The following DGKI variants were observed in gnomAD, a reference collection of about 807,000 sequenced individuals.
The protein encoded by DGKI is diacylglycerol kinase iota, also known as DAG kinase iota.
A neutral mutation model predicts 147.5 loss-of-function variants in DGKI; 55 were observed. That is an observed-to-expected ratio of 0.37 (90% confidence interval 0.30 to 0.47). The LOEUF is 0.47. Ranked by LOEUF, DGKI falls within the 20% of genes least tolerant of loss-of-function variation. The pLI, the probability that DGKI is intolerant of heterozygous loss-of-function variation, is 1.00. For missense variants in DGKI, 1,007 were observed against 1,323.8 expected (o/e 0.76, Z 3.71); for synonymous variants, 469 against 477.1 (o/e 0.98, Z 0.22).
intron 20 of DGKI, among the ~76,000 whole-genome samples, chr7:137,526,922 A>G (rs1400230528): frequency 6.6e-6 from 1 of 152,116 alleles, no homozygotes; most frequent in Admixed American, 6.6e-5. Flanking sequence ...TTATGGATAA[A>G]GTGGATGGGC....
At position 137,384,523 on chromosome 7, in the gene DGKI, A is replaced by T. The variant is rs748207114; in HGVS notation, c.*6697T>A. On this transcript the variant is annotated 3_prime_UTR_variant, in exon 33 of 33. Transcript: ENST00000614521. ...ACATGTTAATATGTAATTTCTAAAG[A>T]CCCAGTTCTGGCTGCAGCACTATCA... The T allele has an allele frequency of 6.6e-5, 10 of 152,048 alleles. No individual in the cohort carries two copies. Among genetic ancestry groups the T allele is most frequent in the Admixed American group, 2.0e-4 (3 of 15,234 alleles). 9.4% of individuals were successfully genotyped at this position (152,048 alleles called of 1,614,324 possible). A position where few individuals can be genotyped will look rare whatever the true frequency, so the allele number is the denominator to read the frequency against.
chr7:137,560,656 A>G (rs189501258), intron 19 of DGKI, among the ~76,000 whole-genome samples: 1 of 152,344 alleles, frequency 6.6e-6, no homozygotes, highest in East Asian at 1.9e-4. Context: ...AGTGGACCCA[A>G]TGTAGTCTCA....
rs1489080537 is a variant in DGKI at position 137,846,179 on chromosome 7, A to T, written c.401+283T>A. Among the ~76,000 whole-genome samples the T allele has an allele frequency of 2.2e-3, 324 of 145,352 alleles. No homozygotes were observed. Among genetic ancestry groups the T allele is most frequent in the African/African-American group, 8.3e-3 (300 of 36,290 alleles). On this transcript the variant is annotated intron_variant, in intron 1 of 32. Transcript: ENST00000614521. This position sits in a 1 kb window ranked among gnomAD's most constrained non-coding sequence, Gnocchi z 4.0. Reference sequence around the variant, plus strand: ...CTCTCTCTCACACACACACACACACACACACACACACACACACACACACAG... The same window carrying T: ...CTCTCTCTCACACACACACACACACTCACACACACACACACACACACACAG...
intron 1 of DGKI, among the ~76,000 whole-genome samples, chr7:137,789,434 A>G (rs1325208808): frequency 1.3e-5 from 2 of 152,190 alleles, no homozygotes; most frequent in East Asian, 1.9e-4. Context: ...ATAGTAACCA[A>G]CCTCAGCCCT....
chr7:137,627,298 G>A (rs1820976947), intron 6 of DGKI, among the ~76,000 whole-genome samples: 1 of 152,144 alleles, frequency 6.6e-6, no homozygotes, highest in African/African-American at 2.4e-5. Flanking sequence ...CTATGTGGCT[G>A]GTTATTTTGT....
intron 5 of DGKI, among the ~76,000 whole-genome samples, chr7:137,648,038 A>G (rs1821890916): frequency 6.7e-6 from 1 of 148,942 alleles, no homozygotes. Context: ...TCTGTTCTGC[A>G]AAACAGGGCT....
intron 28 of DGKI, among the ~76,000 whole-genome samples, chr7:137,427,921 C>CAA (rs1563013104): frequency 6.6e-6 from 1 of 151,028 alleles, no homozygotes; most frequent in South Asian, 2.1e-4. Flanking sequence ...AGCTTACCAA[C>CAA]CAAAAAGAGT....
chr7:137,502,172 G>A (rs1409999446), intron 21 of DGKI, among the ~76,000 whole-genome samples: 4 of 152,128 alleles, frequency 2.6e-5, no homozygotes, highest in Non-Finnish European at 1.5e-5. Context: ...GTGTGAAAAC[G>A]GACTAATACA....
intron 5 of DGKI, among the ~76,000 whole-genome samples, chr7:137,654,404 G>A (rs60179999): frequency 0.073 from 11,100 of 152,122 alleles, 1,103 homozygotes; most frequent in African/African-American, 0.23. Flanking sequence ...TGGCAACAGA[G>A]CGACACTCTG....
intron 6 of DGKI, among the ~76,000 whole-genome samples, chr7:137,637,035 G>T (rs1036359071): frequency 6.6e-6 from 1 of 152,188 alleles, no homozygotes; most frequent in Non-Finnish European, 1.5e-5. Flanking sequence ...TTATAGCAAT[G>T]CAATGAACGA....
chr7:137,691,426 C>T (rs1823598835), intron 1 of DGKI, among the ~76,000 whole-genome samples: 1 of 152,152 alleles, frequency 6.6e-6, no homozygotes, highest in South Asian at 2.1e-4. Context: ...TTCTCAACCC[C>T]TTGGACTACA....
intron 20 of DGKI, among the ~76,000 whole-genome samples, chr7:137,524,444 A>G (rs1044013242): frequency 6.6e-6 from 1 of 152,204 alleles, no homozygotes; most frequent in South Asian, 2.1e-4. Flanking sequence ...ACAATAATGC[A>G]GGACAAGAAT....
intron 1 of DGKI, among the ~76,000 whole-genome samples, chr7:137,788,678 A>G (rs890081772): frequency 3.9e-5 from 5 of 127,896 alleles, no homozygotes; most frequent in Admixed American, 3.8e-4. Context: ...ACACACACAC[A>G]CACCTCCATC....
chr7:137,734,304 G>A (rs1260011070), intron 1 of DGKI, among the ~76,000 whole-genome samples: 1 of 152,102 alleles, frequency 6.6e-6, no homozygotes, highest in East Asian at 1.9e-4. Context: ...CAGAATGACT[G>A]CAAGATCTCT....
chr7:137,627,842 T>A (rs962025813), intron 6 of DGKI, among the ~76,000 whole-genome samples: 3 of 152,228 alleles, frequency 2.0e-5, no homozygotes, highest in African/African-American at 7.2e-5. Flanking sequence ...TCTTGGATCT[T>A]CTTGTTGGCT....
intron 1 of DGKI, among the ~76,000 whole-genome samples, chr7:137,772,466 G>A (rs1357427266): frequency 6.6e-6 from 1 of 152,070 alleles, no homozygotes; most frequent in Non-Finnish European, 1.5e-5. Context: ...CTACTTAAGG[G>A]AGGTATCAAA....
chr7:137,717,772 G>A (rs1394866567), intron 1 of DGKI, among the ~76,000 whole-genome samples: 3 of 152,314 alleles, frequency 2.0e-5, no homozygotes, highest in East Asian at 1.9e-4. Context: ...TGGAACAAGA[G>A]CATGCTTTAC....
intron 20 of DGKI, among the ~76,000 whole-genome samples, chr7:137,548,377 C>A (rs567110211): frequency 5.3e-5 from 8 of 152,242 alleles, no homozygotes; most frequent in Admixed American, 5.2e-4. Flanking sequence ...GTATGTGGGG[C>A]CTGGTCAGAG....
chr7:137,432,756 C>T (rs6948529), intron 28 of DGKI, among the ~76,000 whole-genome samples: 63,918 of 151,914 alleles, frequency 0.42, 14,014 homozygotes, highest in East Asian at 0.74. Context: ...CTTGCCTGCT[C>T]ATCTGGTTGT....
Sources: allele counts gnomAD v4.1 joint callset (sites outside exome capture counted in the v4.1 genomes callset), GRCh38; gene constraint gnomAD v4.1.1; non-coding constraint Gnocchi (gnomAD v3.1); transcripts MANE v1.5; gene names NCBI Gene and HGNC (gene_info 2026-07-23, HGNC 2026-07-21).